The following SPAG17 variants were observed in gnomAD, a reference collection of about 807,000 sequenced individuals.
The protein encoded by SPAG17 is sperm-associated antigen 17.
A neutral mutation model predicts 273.6 loss-of-function variants in SPAG17; 169 were observed. That is an observed-to-expected ratio of 0.62 (90% CI 0.55 to 0.70). The LOEUF (loss-of-function observed/expected upper bound fraction) is 0.70. SPAG17 is among the 30% of genes least tolerant of loss of function. The pLI is 0.00. For synonymous variants in SPAG17, 825 were observed against 873.2 expected (o/e 0.94, Z 0.97); for missense variants, 2,557 against 2,627.8 (o/e 0.97, Z 0.59).
At chr1:117,986,444 C>T (rs988659111) in intron 40 of SPAG17, among the ~76,000 whole-genome samples, 1 of 152,182 alleles carries the variant, frequency 6.6e-6, no homozygotes, top group African/African-American at 2.4e-5. Context: ...TCCACATTGC[C>T]AACACTTGTA....
chr1:118,118,916 T>G (rs1017006367), intron 3 of SPAG17, among the ~76,000 whole-genome samples: 1 of 152,234 alleles, frequency 6.6e-6, no homozygotes, highest in African/African-American at 2.4e-5. Flanking sequence ...TATCTAATGA[T>G]TTGATCCAAC....
chr1:118,061,097 G>A (rs1652242984), intron 18 of SPAG17, among the ~76,000 whole-genome samples: 1 of 152,138 alleles, frequency 6.6e-6, no homozygotes, highest in Non-Finnish European at 1.5e-5. Flanking sequence ...CTTATATATG[G>A]TTGGTAGGAA....
intron 10 of SPAG17, among the ~76,000 whole-genome samples, chr1:118,090,627 T>TAA (rs1361379557): frequency 1.3e-5 from 2 of 152,152 alleles, no homozygotes; most frequent in Non-Finnish European, 1.5e-5. Flanking sequence ...TTCATGATTA[T>TAA]AATCCCAGTG....
chr1:118,154,299 T>G (rs1175686214), intron 1 of SPAG17, among the ~76,000 whole-genome samples: 1 of 152,194 alleles, frequency 6.6e-6, no homozygotes, highest in East Asian at 1.9e-4. Flanking sequence ...GTCAGAGTTA[T>G]GGTTTAGTGT....
intron 3 of SPAG17, among the ~76,000 whole-genome samples, chr1:118,148,069 T>C (rs2102340794): frequency 6.6e-6 from 1 of 152,338 alleles, no homozygotes; most frequent in Middle Eastern, 3.4e-3. Context: ...ATCTCCAAAA[T>C]GGAGGTTTCT....
intron 3 of SPAG17, among the ~76,000 whole-genome samples, chr1:118,144,379 A>G (rs1252091578): frequency 6.6e-6 from 1 of 152,164 alleles, no homozygotes; most frequent in Non-Finnish European, 1.5e-5. Flanking sequence ...AACTCTTCAT[A>G]GCCCTTTGTA....
At position 118,163,287 on chromosome 1, in the gene SPAG17, C is replaced by T. The variant is rs189934054; in HGVS notation, c.88-11918G>A. 7.9e-5 allele frequency among the ~76,000 whole-genome samples: 12 copies of T among 152,290 alleles called. No individual in the cohort carries two copies. In the East Asian group the frequency reaches 1.9e-3, roughly 25 times the overall value. On this transcript the variant is annotated intron_variant, in intron 1 of 48. Transcript: ENST00000336338. ...TGATACGCATTGACCTAGAACCCAT[C>T]TCTCCCTGTGTCTTAGGAAAAGCCT...
intron 48 of SPAG17, chr1:117,954,523 C>A: frequency 6.6e-7 from 1 of 1,518,326 alleles, no homozygotes; most frequent in Non-Finnish European, 9.1e-7. Context: ...CTGTCTATAA[C>A]AAGTGCTACC....
Position 118,091,599 on chromosome 1 carries a change from T to C in SPAG17, c.1359+7A>G, listed in dbSNP as rs1211671538. 6.4e-7 allele frequency: 1 copy of C among 1,555,800 alleles called. No individual in the cohort carries two copies. The highest frequency in any genetic ancestry group is 2.2e-5 in the East Asian group (1 of 44,488). The stretch of plus-strand genomic sequence containing the variant: ...CAAGTATACAACCTGGGAAAAAGCC[T>C]CCCCACCTGTTCCAGCATACAATGC... On this transcript the variant is annotated splice_region_variant and intron_variant, in intron 10 of 48. Transcript: ENST00000336338.
At chr1:117,961,607 G>A (rs1055394950) in intron 48 of SPAG17, 1 of 152,140 alleles carries the variant, frequency 6.6e-6, no homozygotes, top group African/African-American at 2.4e-5. Flanking sequence ...CCAAGTTACT[G>A]TGTTGTGGGG....
At chr1:118,097,592 T>C in intron 7 of SPAG17, 78 bp downstream of exon 7, 2 of 1,172,602 alleles carry the variant, frequency 1.7e-6, no homozygotes, top group South Asian at 1.9e-5. Flanking sequence ...TAACTATCTA[T>C]GTGATGAATA....
intron 3 of SPAG17, among the ~76,000 whole-genome samples, chr1:118,140,305 TTAA>T (rs1658603430): frequency 6.6e-6 from 1 of 152,086 alleles, no homozygotes; most frequent in South Asian, 2.1e-4. Context: ...GTGACTATAG[TTAA>T]TAATAGAGAA....
At chr1:117,966,074 A>G (rs1315495764) in intron 47 of SPAG17, 1 of 152,254 alleles carries the variant, frequency 6.6e-6, no homozygotes, top group Non-Finnish European at 1.5e-5. Context: ...AATAGAAATA[A>G]AATGTGAAGA....
rs757796696 is a variant in SPAG17, at chr1:118,184,078, A to G, written c.87+993T>C. On this transcript the variant is annotated intron_variant, in intron 1 of 48. Coordinates refer to ENST00000336338, the MANE Select transcript of SPAG17 (RefSeq NM_206996.4). ...CTTATCAAACAGAATTACTGTTAAT[A>G]GGAAAAAAAAACAGTTATAGTGGAA... Among the ~76,000 whole-genome samples, 56 of 150,480 alleles carry G rather than the reference A, an allele frequency of 3.7e-4. 1 individual carries two copies. The highest frequency in any genetic ancestry group is 7.5e-4 in the Non-Finnish European group (51 of 67,756).
chr1:117,992,484 C>G lies in SPAG17; in HGVS notation c.5343G>C (p.Arg1781Ser). Residue 1781 changes from arginine to serine, a missense_variant, in exon 36 of 49, where the codon AGG becomes AGC. By Grantham distance (110) the Arg-to-Ser change is moderately radical. Coordinates refer to ENST00000336338, the MANE Select transcript of SPAG17 (RefSeq NM_206996.4). Reference protein sequence around the residue: ...HEVIKNEVKLRLQVSLKDYIN... With the variant: ...HEVIKNEVKLSLQVSLKDYIN... ...CCATTACCTTAAGGGAAACCTGCAG[C>G]CTCAGTTTCACCTCATTCTTTATGA... 2.5e-6 allele frequency: 4 copies of G among 1,610,064 alleles called. No individual in the cohort carries two copies. Among genetic ancestry groups the G allele is most frequent in the Non-Finnish European group, 3.4e-6 (4 of 1,178,588 alleles).
At chr1:118,110,847 T>C (rs1656715494) in intron 4 of SPAG17, among the ~76,000 whole-genome samples, 1 of 152,102 alleles carries the variant, frequency 6.6e-6, no homozygotes, top group African/African-American at 2.4e-5. Flanking sequence ...TGAGACACAC[T>C]TAGGAAGGAT....
chr1:117,999,021 C>A (rs1013785453), intron 32 of SPAG17, among the ~76,000 whole-genome samples: 1 of 151,356 alleles, frequency 6.6e-6, no homozygotes, highest in Non-Finnish European at 1.5e-5. Context: ...TGATGTTCCC[C>A]GCCCTGTGTC....
At position 117,987,757 on chromosome 1, in the gene SPAG17, C is replaced by T. The variant is rs1345637082; in HGVS notation, c.5669+77G>A. 5.5e-6 allele frequency: 8 copies of T among 1,444,694 alleles called. 1 individual carries two copies. Among genetic ancestry groups the T allele is most frequent in the Admixed American group, 3.6e-5 (2 of 55,144 alleles). 89.5% of individuals were successfully genotyped at this position (1,444,694 alleles called of 1,614,324 possible). ...AATAACATCTGGGTGCCTGGCAGGA[C>T]ATTTTGGCCTATCCCATTCTCAGTC... On this transcript the variant is annotated intron_variant, in intron 40 of 48. Coordinates refer to ENST00000336338, the MANE Select transcript of SPAG17 (RefSeq NM_206996.4).
At chr1:118,152,689 G>A (rs1288915173) in intron 1 of SPAG17, among the ~76,000 whole-genome samples, 1 of 152,070 alleles carries the variant, frequency 6.6e-6, no homozygotes. Context: ...GACTTTGTGT[G>A]GTTTCCTCTG....
Sources: allele counts gnomAD v4.1 joint callset (sites outside exome capture counted in the v4.1 genomes callset), GRCh38; gene constraint gnomAD v4.1.1; transcripts MANE v1.5; gene names NCBI Gene and HGNC (gene_info 2026-07-23, HGNC 2026-07-21).